The following MADD variants were observed in gnomAD, a reference collection of about 807,000 sequenced individuals.
The protein encoded by MADD is MAP kinase activating death domain.
MADD carries 109 observed loss-of-function variants against 176.7 expected under a neutral mutation model. That is an observed-to-expected ratio of 0.62 (90% CI 0.53 to 0.72). MADD has a LOEUF of 0.72. Ranked by LOEUF, MADD falls within the 30% of genes least tolerant of loss-of-function variation. MADD has a pLI of 0.00. For synonymous variants in MADD, 771 were observed against 771.3 expected, an observed-to-expected ratio of 1.00 and a Z score of 0.01; for missense variants, 1,914 against 2,045.5, an observed-to-expected ratio of 0.94 and a Z score of 1.24.
exon 26 of MADD, chr11:47,311,776 A>C: frequency 6.2e-7 from 1 of 1,614,026 alleles, no homozygotes. Context: ...GCCTAATGGG[A>C]AAGTCGCACA....
At chr11:47,328,548 C>T in intron 31 of MADD, 110 bp from the exon 36 acceptor site, 2 of 1,556,040 alleles carry the variant, frequency 1.3e-6, no homozygotes, top group South Asian at 2.4e-5. Flanking sequence ...CTGTGAGAGG[C>T]CACAGAGGGG....
chr11:47,286,177 T>C (rs2060493222), intron 14 of MADD, among the ~76,000 whole-genome samples: 1 of 152,144 alleles, frequency 6.6e-6, no homozygotes, highest in Non-Finnish European at 1.5e-5. Flanking sequence ...TGTGTAGCAG[T>C]GGATGAGAGA....
At chr11:47,309,685 C>T (rs1346547366) in intron 25 of MADD, 73 bp downstream of exon 28, 15 of 1,198,466 alleles carry the variant, frequency 1.3e-5, no homozygotes, top group Admixed American at 5.2e-5. Flanking sequence ...GCCTAAATTT[C>T]GGGGTAGCTG....
chr11:47,281,847 T>C, intron 8 of MADD, 94 bp downstream of exon 8: 1 of 629,988 alleles, frequency 1.6e-6, no homozygotes, highest in Non-Finnish European at 2.1e-6. Context: ...TGAACCAGGG[T>C]TCCTTTTTTT....
Position 47,315,206 on chromosome 11 carries a change from CT to C in MADD, c.4090-13del. ...GGATGTATGACTGTCCCTAAAAAATCTCTCTTTCATCAGAATGGACGCGATC... is the reference window on the plus strand; with the variant it reads ...GGATGTATGACTGTCCCTAAAAAATCCTCTTTCATCAGAATGGACGCGATC... On this transcript the variant is annotated splice_polypyrimidine_tract_variant and intron_variant, in intron 26 of 32. Coordinates refer to ENST00000402192, the Ensembl canonical transcript of MADD. 1 of 1,566,902 alleles carries C rather than the reference CT, an allele frequency of 6.4e-7. No individual in the cohort carries two copies. Among genetic ancestry groups the C allele is most frequent in the Non-Finnish European group, 8.8e-7 (1 of 1,137,540 alleles).
chr11:47,302,611 C>T (rs1340594282), intron 22 of MADD, among the ~76,000 whole-genome samples: 1 of 152,090 alleles, frequency 6.6e-6, no homozygotes, highest in Non-Finnish European at 1.5e-5. Context: ...TTTCTCCATC[C>T]CTTCACTTTC....
chr11:47,282,774 C>T (rs1469555718), intron 9 of MADD, 39 bp from the exon 10 acceptor site: 3 of 1,601,240 alleles, frequency 1.9e-6, no homozygotes, highest in Non-Finnish European at 2.6e-6. Context: ...CCTTTTTTTC[C>T]TTGCTGCTGA....
exon 33 of MADD, chr11:47,329,243 A>T (rs1356833610): frequency 3.1e-6 from 3 of 959,442 alleles, no homozygotes; most frequent in East Asian, 2.4e-5. Context: ...TGAGGAGTGG[A>T]TGATGCTCGT....
chr11:47,290,329 C>T, intron 18 of MADD, 30 bp downstream of exon 19: 1 of 1,606,232 alleles, frequency 6.2e-7, no homozygotes, highest in East Asian at 2.2e-5. Flanking sequence ...GGCACCACGC[C>T]ATCCCTAACT....
intron 27 of MADD, among the ~76,000 whole-genome samples, chr11:47,318,300 G>A (rs1292545647): frequency 1.3e-5 from 2 of 152,172 alleles, no homozygotes; most frequent in African/African-American, 4.8e-5. Context: ...TGGTTTAGCT[G>A]AATTTGAATA....
At chr11:47,293,357 A>C (rs752106267) in intron 19 of MADD, among the ~76,000 whole-genome samples, 1 of 149,248 alleles carries the variant, frequency 6.7e-6, no homozygotes, top group Non-Finnish European at 1.5e-5. Flanking sequence ...GCTGGAGTGC[A>C]GTGGTACGAT....
rs938892956 is a variant in MADD at position 47,290,612 on chromosome 11, C to T, written c.3097C>T (p.Pro1033Ser). Reference sequence around the variant, plus strand: ...ACCTCTTGATATTTTTCCCTCAGAACCAGACAAGCGGAAGAGAAGTCCAAC... The same window carrying T: ...ACCTCTTGATATTTTTCCCTCAGAATCAGACAAGCGGAAGAGAAGTCCAAC... Residue 1033 changes from proline to serine, a missense_variant and splice_region_variant, in exon 19 of 33, where the codon CCA becomes TCA. Coordinates refer to ENST00000402192, the Ensembl canonical transcript of MADD. 4.3e-6 allele frequency: 7 copies of T among 1,612,710 alleles called. No homozygotes were observed. The African/African-American group carries it at 9.4e-5, about 22-fold the overall frequency.
chr11:47,324,775 G>A, intron 30 of MADD, 198 bp downstream of exon 33: 3 of 697,234 alleles, frequency 4.3e-6, no homozygotes, highest in Non-Finnish European at 7.9e-6. Context: ...CTGTGAAGGT[G>A]CACCAGGGAG....
At chr11:47,327,756 C>T (rs2095614085) in intron 31 of MADD, 2 of 985,340 alleles carry the variant, frequency 2.0e-6, no homozygotes, top group East Asian at 1.1e-4. Context: ...CCAAATTCTA[C>T]CTCCCAGGGT....
At chr11:47,288,643 C>T (rs894830118) in intron 15 of MADD, among the ~76,000 whole-genome samples, 15 of 152,248 alleles carry the variant, frequency 9.9e-5, no homozygotes, top group African/African-American at 3.4e-4. Flanking sequence ...TGCACATACC[C>T]TCAGGCCCCT....
At chr11:47,321,922 TG>T (rs1251930452) in intron 27 of MADD, among the ~76,000 whole-genome samples, 1 of 151,964 alleles carries the variant, frequency 6.6e-6, no homozygotes, top group Non-Finnish European at 1.5e-5. Flanking sequence ...GAGTTTGAGG[TG>T]CTACATGTGA....
At chr11:47,302,436 A>C (rs1446210824) in intron 22 of MADD, among the ~76,000 whole-genome samples, 1 of 151,822 alleles carries the variant, frequency 6.6e-6, no homozygotes. Context: ...CTGGTCTCAA[A>C]CTCCTGACCT....
At chr11:47,304,953 A>G (rs2140355707) in intron 22 of MADD, among the ~76,000 whole-genome samples, 1 of 151,952 alleles carries the variant, frequency 6.6e-6, no homozygotes, top group South Asian at 2.1e-4. Flanking sequence ...GGGTATGGCA[A>G]CTCTGTTTCT....
chr11:47,294,085 C>T (rs2067992787), intron 20 of MADD, 102 bp downstream of exon 22: 7 of 975,326 alleles, frequency 7.2e-6, no homozygotes, highest in Non-Finnish European at 1.1e-5. Context: ...CACAGTGGCT[C>T]ATGCTTGTAA....
Sources: gnomAD v4.1 joint callset for allele counts (sites outside exome capture counted in the v4.1 genomes callset) on GRCh38, gnomAD v4.1.1 for gene constraint, MANE v1.5 for transcripts, NCBI Gene and HGNC (gene_info 2026-07-23, HGNC 2026-07-21) for gene names.